The following RAB27A variants were observed in gnomAD, a reference collection of about 807,000 sequenced individuals.
The protein encoded by RAB27A is ras-related protein Rab-27A.
In RAB27A, 17 loss-of-function variants were observed where a neutral mutation model predicts 20.8. The ratio of observed to expected loss-of-function variants is 0.82; its 90% CI spans 0.56 to 1.23. The LOEUF is 1.23. Among genes scored for constraint, RAB27A ranks in the 50% most tolerant of loss-of-function variants. RAB27A has a pLI of 0.00. For missense variants in RAB27A, 277 were observed against 266.7 expected (o/e 1.04, Z -0.27); for synonymous variants, 85 against 92.8 (o/e 0.92, Z 0.48).
chr15:55,313,151 G>A (rs984572892), intron 2 of RAB27A, among the ~76,000 whole-genome samples: 2 of 152,208 alleles, frequency 1.3e-5, no homozygotes, highest in African/African-American at 2.4e-5. Context: ...CACAGTGGCT[G>A]ACGCCTAGAA....
chr15:55,233,373 A>G (rs924412168), intron 3 of RAB27A, among the ~76,000 whole-genome samples: 10 of 152,134 alleles, frequency 6.6e-5, no homozygotes, highest in Admixed American at 3.3e-4. Flanking sequence ...GAACTCAAAA[A>G]CATATAACAA....
intron 6 of RAB27A, among the ~76,000 whole-genome samples, chr15:55,212,720 G>A (rs1895087414): frequency 6.6e-6 from 1 of 152,076 alleles, no homozygotes; most frequent in East Asian, 1.9e-4. Context: ...TAGTACAGAC[G>A]GTGTTTCACC....
intron 2 of RAB27A, among the ~76,000 whole-genome samples, chr15:55,246,939 A>G (rs1896710518): frequency 6.6e-6 from 1 of 152,068 alleles, no homozygotes. Flanking sequence ...AAATTCAAAT[A>G]ATAGTATACC....
At chr15:55,232,565 A>T (rs1896075503) in intron 3 of RAB27A, among the ~76,000 whole-genome samples, 2 of 152,192 alleles carry the variant, frequency 1.3e-5, no homozygotes, top group African/African-American at 4.8e-5. Context: ...AATATATTCA[A>T]AGAACTTAAA....
At chr15:55,306,320 A>G (rs2054996743) in intron 2 of RAB27A, among the ~76,000 whole-genome samples, 1 of 152,186 alleles carries the variant, frequency 6.6e-6, no homozygotes, top group South Asian at 2.1e-4. Context: ...AGGGAGGCAC[A>G]TCCAACAGTT....
chr15:55,265,509 C>A (rs1897439670), intron 2 of RAB27A, among the ~76,000 whole-genome samples: 1 of 152,084 alleles, frequency 6.6e-6, no homozygotes, highest in Non-Finnish European at 1.5e-5. Context: ...CTTTACCTCA[C>A]ATGTCAGCCA....
chr15:55,317,123 A>T (rs908741809), intron 1 of RAB27A: 1 of 152,254 alleles, frequency 6.6e-6, no homozygotes, highest in Non-Finnish European at 1.5e-5. Flanking sequence ...GAAATTACTT[A>T]TCTGTCCTGG....
chr15:55,205,030 T>G lies in RAB27A; in HGVS notation c.*477A>C, dbSNP rs1057142114. On this transcript the variant is annotated 3_prime_UTR_variant, in exon 7 of 7. Coordinates refer to ENST00000336787, the MANE Select transcript of RAB27A (RefSeq NM_183235.3). ...GCTGATGTGCATGTATATTCTTATT[T>G]AACATTTAAGTGGCTTTAATGGTAT... 3 of 201,258 alleles carry G rather than the reference T, an allele frequency of 1.5e-5. No homozygotes were observed. The highest frequency in any genetic ancestry group is 7.1e-5 in the African/African-American group (3 of 42,018). The allele number at this position is 201,258 out of a possible 1,614,324, so 12.5% of individuals were successfully genotyped here.
chr15:55,316,200 G>A (rs1367076679), intron 1 of RAB27A, among the ~76,000 whole-genome samples: 6 of 143,952 alleles, frequency 4.2e-5, no homozygotes, highest in Non-Finnish European at 7.5e-5. Context: ...GCGCCACTGC[G>A]CTCCAGCCTG....
intron 1 of RAB27A, among the ~76,000 whole-genome samples, chr15:55,283,840 T>C (rs1898081179): frequency 1.3e-5 from 2 of 152,228 alleles, no homozygotes; most frequent in African/African-American, 4.8e-5. Context: ...TATCATATTA[T>C]TGTGTTTAAC....
At chr15:55,302,630 A>G (rs2054977592) in intron 2 of RAB27A, among the ~76,000 whole-genome samples, 2 of 115,318 alleles carry the variant, frequency 1.7e-5, no homozygotes, top group African/African-American at 4.0e-5. Flanking sequence ...GGAAGTGAGG[A>G]GCGCCTCTTC....
At chr15:55,317,367 T>G (rs34473609) in intron 1 of RAB27A, 9,131 of 198,760 alleles carry the variant, frequency 0.046, 307 homozygotes, top group Middle Eastern at 0.074. Flanking sequence ...CAGGCTGGAG[T>G]GCAGCAGCGT....
intron 2 of RAB27A, among the ~76,000 whole-genome samples, chr15:55,307,389 A>C (rs1186094133): frequency 6.6e-6 from 1 of 152,000 alleles, no homozygotes; most frequent in Non-Finnish European, 1.5e-5. Flanking sequence ...AACAGAGCAG[A>C]CCATGCGAGG....
At chr15:55,291,311 C>T (rs1484721833), upstream of RAB27A, among the ~76,000 whole-genome samples, 1 of 151,958 alleles carries the variant, frequency 6.6e-6, no homozygotes, top group Admixed American at 6.6e-5. Flanking sequence ...GAGATCGAGA[C>T]CATCCTGGCT....
intron 2 of RAB27A, among the ~76,000 whole-genome samples, chr15:55,255,946 T>C (rs534416185): frequency 2.3e-4 from 35 of 152,310 alleles, no homozygotes; most frequent in African/African-American, 8.4e-4. Flanking sequence ...ATGTGTCCTG[T>C]GGTGAGCCAG....
chr15:55,258,387 T>C (rs1897159135), intron 2 of RAB27A, among the ~76,000 whole-genome samples: 1 of 152,200 alleles, frequency 6.6e-6, no homozygotes, highest in Non-Finnish European at 1.5e-5. Context: ...GATATTTGTA[T>C]GACCTACCAG....
chr15:55,217,972 C>T (rs1228365665), intron 6 of RAB27A, among the ~76,000 whole-genome samples: 1 of 152,138 alleles, frequency 6.6e-6, no homozygotes, highest in African/African-American at 2.4e-5. Context: ...ATGAGAGGGG[C>T]ATAAGCATTT....
chr15:55,230,333 A>G (rs1291260924), intron 4 of RAB27A, 68 bp downstream of exon 4: 11 of 1,423,496 alleles, frequency 7.7e-6, no homozygotes, highest in Non-Finnish European at 1.1e-5. Context: ...TGCTCAGGTC[A>G]CTGTTTGAAG....
chr15:55,234,640 G>T, intron 3 of RAB27A, 142 bp downstream of exon 3: 1 of 895,902 alleles, frequency 1.1e-6, no homozygotes, highest in Non-Finnish European at 1.8e-6. Flanking sequence ...ATGTTGCCTG[G>T]ATTGAACATA....
Sources: allele counts gnomAD v4.1 joint callset (sites outside exome capture counted in the v4.1 genomes callset), GRCh38; gene constraint gnomAD v4.1.1; transcripts MANE v1.5; gene names NCBI Gene and HGNC (gene_info 2026-07-23, HGNC 2026-07-21).